Variants in MARCHF1 observed in about 807,000 individuals in gnomAD.
MARCHF1 encodes the protein membrane associated ring-CH-type finger 1.
In MARCHF1, 40 loss-of-function variants were observed where a neutral mutation model predicts 54.2. That is an observed-to-expected ratio of 0.74 (90% CI 0.57 to 0.96). The LOEUF (loss-of-function observed/expected upper bound fraction) is 0.96, where lower values mean the gene tolerates loss of function less well. Among genes scored for constraint, MARCHF1 ranks in the 40% least tolerant of loss-of-function variants. The probability of loss-of-function intolerance (pLI) is 0.00; values close to 1 mark genes in which losing one functional copy is unlikely to be tolerated. For synonymous variants in MARCHF1, 236 were observed against 236.3 expected (o/e 1.00, Z 0.01); for missense variants, 586 against 656.5 (o/e 0.89, Z 1.17).
chr4:164,131,489 G>C (rs1234130851), intron 1 of MARCHF1, among the ~76,000 whole-genome samples: 1 of 152,100 alleles, frequency 6.6e-6, no homozygotes, highest in Non-Finnish European at 1.5e-5. Context: ...TTTTATAACA[G>C]CATTGTAATG....
intron 3 of MARCHF1, among the ~76,000 whole-genome samples, chr4:163,917,562 G>C (rs113494010): frequency 0.017 from 2,595 of 152,146 alleles, 66 homozygotes; most frequent in African/African-American, 0.058. Flanking sequence ...TCTTTGGTGA[G>C]GTGTCTATTC....
At chr4:164,125,517 A>G (rs1309662333) in intron 1 of MARCHF1, among the ~76,000 whole-genome samples, 1 of 152,194 alleles carries the variant, frequency 6.6e-6, no homozygotes, top group African/African-American at 2.4e-5. Context: ...ATTCCAGGCC[A>G]CAACTTCTGG....
chr4:163,684,316 C>T (rs899521029), intron 5 of MARCHF1, among the ~76,000 whole-genome samples: 1 of 152,162 alleles, frequency 6.6e-6, no homozygotes. Context: ...CATGAAATAT[C>T]AACTGGAATA....
chr4:164,261,929 T>C (rs1248682047), intron 1 of MARCHF1, among the ~76,000 whole-genome samples: 2 of 151,776 alleles, frequency 1.3e-5, no homozygotes, highest in Non-Finnish European at 2.9e-5. Context: ...CAAAACCTCT[T>C]CTCTTCAAAA....
At chr4:164,187,194 G>A (rs929494598) in intron 1 of MARCHF1, among the ~76,000 whole-genome samples, 2 of 152,016 alleles carry the variant, frequency 1.3e-5, no homozygotes, top group African/African-American at 4.8e-5. Flanking sequence ...AGCTTTGTTC[G>A]AGGAAATCTA....
At chr4:164,197,366 G>A (rs1731303621) in intron 1 of MARCHF1, 1 of 1,612,834 alleles carries the variant, frequency 6.2e-7, no homozygotes, top group African/African-American at 1.3e-5. Context: ...CAATTGAAAA[G>A]GTCTAAGCTC....
chr4:163,781,130 C>T (rs1747454635), intron 4 of MARCHF1, among the ~76,000 whole-genome samples: 2 of 151,996 alleles, frequency 1.3e-5, no homozygotes, highest in African/African-American at 2.4e-5. Context: ...GGGGGTGGAT[C>T]ACTTGAGGTC....
chr4:164,064,491 T>A (rs575439473), intron 2 of MARCHF1, among the ~76,000 whole-genome samples: 3 of 152,316 alleles, frequency 2.0e-5, no homozygotes, highest in East Asian at 1.9e-4. Context: ...GATTTTTGCA[T>A]GTCGATTTTG....
chr4:164,230,563 A>T (rs1452557406), intron 1 of MARCHF1, among the ~76,000 whole-genome samples: 1 of 151,944 alleles, frequency 6.6e-6, no homozygotes, highest in Admixed American at 6.6e-5. Context: ...TTTACTAGCT[A>T]TTTTTACATA....
chr4:163,919,789 C>G (rs945389328), intron 3 of MARCHF1, among the ~76,000 whole-genome samples: 1 of 152,064 alleles, frequency 6.6e-6, no homozygotes, highest in Non-Finnish European at 1.5e-5. Flanking sequence ...GACTAACAAA[C>G]GTATTTCAGC....
At chr4:164,103,940 C>T (rs1182088316) in intron 2 of MARCHF1, among the ~76,000 whole-genome samples, 1 of 144,676 alleles carries the variant, frequency 6.9e-6, no homozygotes, top group African/African-American at 2.6e-5. Flanking sequence ...GATATCACCA[C>T]CAATCCCACA....
At chr4:163,587,478 C>T (rs1373295798) in intron 7 of MARCHF1, among the ~76,000 whole-genome samples, 1 of 152,158 alleles carries the variant, frequency 6.6e-6, no homozygotes, top group African/African-American at 2.4e-5. Flanking sequence ...AACATGGATA[C>T]AGCTGGAGGC....
At chr4:164,292,650 G>T (rs1579694928) in intron 1 of MARCHF1, among the ~76,000 whole-genome samples, 3 of 151,942 alleles carry the variant, frequency 2.0e-5, no homozygotes, top group Admixed American at 2.0e-4. Context: ...CTACCACCTG[G>T]ACAATAGCAA....
chr4:164,276,888 T>TAC (rs1346035889), intron 1 of MARCHF1, among the ~76,000 whole-genome samples: 1 of 146,896 alleles, frequency 6.8e-6, no homozygotes, highest in East Asian at 2.0e-4. Flanking sequence ...TATATATATA[T>TAC]ATGTAATGGT....
chr4:164,009,845 G>A lies in MARCHF1; in HGVS notation c.-247-21136C>T, dbSNP rs907818424. 2.0e-5 allele frequency among the ~76,000 whole-genome samples: 3 copies of A among 152,108 alleles called. No homozygotes were observed. In the East Asian group the frequency reaches 5.8e-4, roughly 29 times the overall value. ...TATAACAGCTACCATCATACTGAATGGAGAAAAACTGAAAGACTTCCTTTT... is the reference window on the plus strand; with the variant it reads ...TATAACAGCTACCATCATACTGAATAGAGAAAAACTGAAAGACTTCCTTTT... On this transcript the variant is annotated intron_variant, in intron 2 of 9. Transcript: ENST00000514618.
chr4:164,247,695 T>C (rs1732996043), intron 1 of MARCHF1, among the ~76,000 whole-genome samples: 1 of 149,514 alleles, frequency 6.7e-6, no homozygotes, highest in South Asian at 2.1e-4. Context: ...ACAAGGGGAA[T>C]GAAATAGGGC....
chr4:164,205,189 CAGAAA>C (rs1421270112), intron 1 of MARCHF1, among the ~76,000 whole-genome samples: 3 of 152,178 alleles, frequency 2.0e-5, no homozygotes, highest in Admixed American at 1.3e-4. Flanking sequence ...TAGTAATTGA[CAGAAA>C]AGAAAACAAT....
intron 8 of MARCHF1, among the ~76,000 whole-genome samples, chr4:163,565,700 A>AC (rs1450199672): frequency 2.0e-5 from 3 of 152,000 alleles, no homozygotes; most frequent in African/African-American, 7.3e-5. Context: ...AAAGCACTTC[A>AC]CCCCCAGAAG....
At chr4:163,902,195 T>C (rs909265104) in intron 3 of MARCHF1, among the ~76,000 whole-genome samples, 1 of 152,216 alleles carries the variant, frequency 6.6e-6, no homozygotes, top group African/African-American at 2.4e-5. Flanking sequence ...CCATAGCTAA[T>C]GTCAAACATA....
Sources: gnomAD v4.1 joint callset for allele counts (sites outside exome capture counted in the v4.1 genomes callset) on GRCh38, gnomAD v4.1.1 for gene constraint, MANE v1.5 for transcripts, NCBI Gene and HGNC (gene_info 2026-07-23, HGNC 2026-07-21) for gene names.